The following DSCAML1 variants were observed in gnomAD, a reference collection of about 807,000 sequenced individuals.
The protein encoded by DSCAML1 is DS cell adhesion molecule like 1, also known as cell adhesion molecule DSCAML1.
In DSCAML1, 38 loss-of-function variants were observed where a neutral mutation model predicts 200.5. The observed-to-expected ratio is 0.19, with a 90% CI of 0.15 to 0.25. The LOEUF (loss-of-function observed/expected upper bound fraction) is 0.25, where lower values mean the gene tolerates loss of function less well. Ranked by LOEUF, DSCAML1 falls within the 10% of genes least tolerant of loss-of-function variation. The pLI, the probability that DSCAML1 is intolerant of heterozygous loss-of-function variation, is 1.00. For synonymous variants in DSCAML1, 1,215 were observed against 1,165.0 expected, an observed-to-expected ratio of 1.04 and a Z score of -0.87; for missense variants, 2,223 against 2,858.8, an observed-to-expected ratio of 0.78 and a Z score of 5.07.
At chr11:117,763,110 C>T (rs1002405190) in intron 3 of DSCAML1, among the ~76,000 whole-genome samples, 43 of 152,016 alleles carry the variant, frequency 2.8e-4, no homozygotes, top group Non-Finnish European at 4.9e-4. Flanking sequence ...GCCAGCAGCC[C>T]GAGGAGGGGC....
chr11:117,663,163 AC>A (rs1201512484), intron 3 of DSCAML1, among the ~76,000 whole-genome samples: 2 of 152,306 alleles, frequency 1.3e-5, no homozygotes, highest in East Asian at 3.9e-4. Flanking sequence ...ATTGCACGCT[AC>A]CGAAAAGCCA....
chr11:117,562,645 C>G (rs2050685382), intron 3 of DSCAML1, among the ~76,000 whole-genome samples: 1 of 152,250 alleles, frequency 6.6e-6, no homozygotes. Context: ...CAGTAGCTCA[C>G]AGAGTAGGCA....
chr11:117,659,721 T>C (rs1299631850), intron 3 of DSCAML1, among the ~76,000 whole-genome samples: 67 of 76,208 alleles, frequency 8.8e-4, no homozygotes, highest in South Asian at 3.0e-3. Flanking sequence ...CCTCACACAT[T>C]TTTTTTTTTT....
chr11:117,541,268 G>A (rs2050263807), intron 3 of DSCAML1, among the ~76,000 whole-genome samples: 1 of 152,230 alleles, frequency 6.6e-6, no homozygotes, highest in African/African-American at 2.4e-5. Flanking sequence ...ATTAGACTGT[G>A]TCCCTCGTCC....
rs553257463 is a variant in DSCAML1 at position 117,515,657 on chromosome 11, G to A, written c.1783+810C>T. ...TTTTTGAGACAGAGTTTCAACTCTTGTTGCCCAGGCTGGAGTGCAATGGCT... is the reference window on the plus strand; with the variant it reads ...TTTTTGAGACAGAGTTTCAACTCTTATTGCCCAGGCTGGAGTGCAATGGCT... On this transcript the variant is annotated intron_variant, in intron 8 of 32. Transcript: ENST00000651296. Among the ~76,000 whole-genome samples, 243 of 109,080 alleles carry A rather than the reference G, an allele frequency of 2.2e-3. 3 individuals carry two copies. In the Admixed American group the frequency reaches 0.029, roughly 13 times the overall value. The allele number at this position is 109,080 out of a possible 152,430, so 71.6% of individuals were successfully genotyped here. A position where few individuals can be genotyped will look rare whatever the true frequency, so the allele number is the denominator to read the frequency against.
chr11:117,472,093 C>A, intron 14 of DSCAML1, 57 bp from the exon 15 acceptor site: 2 of 1,595,204 alleles, frequency 1.3e-6, no homozygotes. Context: ...GACCCCTTCC[C>A]AGCCTGAAGT....
intron 3 of DSCAML1, among the ~76,000 whole-genome samples, chr11:117,770,788 A>C (rs1591492275): frequency 6.6e-6 from 1 of 152,232 alleles, no homozygotes; most frequent in Non-Finnish European, 1.5e-5. Context: ...GTGACTTTTA[A>C]ATCCATTCTT....
intron 3 of DSCAML1, among the ~76,000 whole-genome samples, chr11:117,547,369 AAGGGGACCC>A (rs2050391516): frequency 6.6e-6 from 1 of 152,200 alleles, no homozygotes; most frequent in Admixed American, 6.5e-5. Flanking sequence ...GGCGGCAGGG[AAGGGGACCC>A]TTGTGTGCCT....
chr11:117,695,315 CT>C lies in DSCAML1; in HGVS notation c.511+81475del, dbSNP rs753748981. On this transcript the variant is annotated intron_variant, in intron 3 of 32. Transcript: ENST00000651296. ...TTTTTTCTTTTCTTTCTTTCTTTTT[CT>C]TTTTTTTTTTTTTTTTTTGCTAACC... Among the ~76,000 whole-genome samples the C allele has an allele frequency of 5.7e-3, 660 of 116,714 alleles. 3 individuals are homozygous for C. Among genetic ancestry groups the C allele is most frequent in the African/African-American group, 0.016 (506 of 31,424 alleles). 76.6% of individuals were successfully genotyped at this position (116,714 alleles called of 152,430 possible).
chr11:117,503,793 G>A lies in DSCAML1; in HGVS notation c.2359+52C>T. 6.4e-7 allele frequency: 1 copy of A among 1,570,116 alleles called. No individual in the cohort carries two copies. The highest frequency in any genetic ancestry group is 1.7e-5 in the Admixed American group (1 of 57,512). On this transcript the variant is annotated intron_variant, in intron 11 of 32. Coordinates refer to ENST00000651296, the MANE Select transcript of DSCAML1 (RefSeq NM_020693.4). This position sits in a 1 kb window ranked among gnomAD's most constrained non-coding sequence, Gnocchi z 5.2. The stretch of plus-strand genomic sequence containing the variant: ...AGTAGGCAGGGAGAGTGCAGAGCCG[G>A]GGCTTGGCTGTGATTTGGGGGTGCT...
chr11:117,451,603 C>G (rs1481465509), intron 19 of DSCAML1, among the ~76,000 whole-genome samples: 1 of 152,102 alleles, frequency 6.6e-6, no homozygotes, highest in Non-Finnish European at 1.5e-5. Flanking sequence ...GCGGGCGGAT[C>G]CCCCGAGGTC....
chr11:117,655,204 C>T (rs1213072646), intron 3 of DSCAML1, among the ~76,000 whole-genome samples: 1 of 152,226 alleles, frequency 6.6e-6, no homozygotes, highest in Admixed American at 6.5e-5. Flanking sequence ...CACCAGCAGG[C>T]AGAGGGGTCT....
intron 20 of DSCAML1, among the ~76,000 whole-genome samples, 158 bp downstream of exon 20, chr11:117,450,391 T>TA (rs2137117058): frequency 6.6e-6 from 1 of 152,372 alleles, no homozygotes; most frequent in South Asian, 2.1e-4. Context: ...GAGTAAGGCT[T>TA]CGGCCACTCT....
intron 1 of DSCAML1, among the ~76,000 whole-genome samples, chr11:117,791,594 C>T (rs919376362): frequency 2.0e-5 from 3 of 152,184 alleles, no homozygotes; most frequent in Non-Finnish European, 4.4e-5. Flanking sequence ...AGGAAGTGTG[C>T]TGGGCACCCC....
intron 3 of DSCAML1, among the ~76,000 whole-genome samples, chr11:117,658,907 C>T (rs621188): frequency 0.65 from 98,129 of 152,008 alleles, 32,028 homozygotes; most frequent in East Asian, 0.75. Context: ...GTGGTGAAGA[C>T]TGGACCTTAG....
At chr11:117,635,635 G>A (rs774732516) in intron 3 of DSCAML1, among the ~76,000 whole-genome samples, 9 of 151,492 alleles carry the variant, frequency 5.9e-5, no homozygotes, top group Non-Finnish European at 1.0e-4. Context: ...GAGATCAGAG[G>A]GATCAAAACA....
chr11:117,621,870 C>G (rs1364060276), intron 3 of DSCAML1, among the ~76,000 whole-genome samples: 2 of 152,182 alleles, frequency 1.3e-5, no homozygotes, highest in African/African-American at 4.8e-5. Flanking sequence ...ATGTAGCCTC[C>G]TTGGGCCTCA....
Position 117,437,485 on chromosome 11 carries a change from G to A in DSCAML1, c.4433-76C>T. 9 of 1,516,026 alleles carry A rather than the reference G, an allele frequency of 5.9e-6. No individual in the cohort carries two copies. The highest frequency in any genetic ancestry group is 7.1e-6 in the Non-Finnish European group (8 of 1,119,080). 93.9% of individuals were successfully genotyped at this position (1,516,026 alleles called of 1,614,324 possible). On this transcript the variant is annotated intron_variant, in intron 25 of 32. Coordinates refer to ENST00000651296, the MANE Select transcript of DSCAML1 (RefSeq NM_020693.4). This position sits in a 1 kb window ranked among gnomAD's most constrained non-coding sequence, Gnocchi z 5.3. ...GGACTGGACTGGGCTGGGCTGGAAA[G>A]GATTTCCCTGGGGCAGCTGGGATGG...
At chr11:117,528,743 T>G (rs1345996355) in intron 4 of DSCAML1, among the ~76,000 whole-genome samples, 1 of 152,154 alleles carries the variant, frequency 6.6e-6, no homozygotes, top group African/African-American at 2.4e-5. Context: ...CAGGTGACAA[T>G]GCCCATCCCA....
Sources: allele counts gnomAD v4.1 joint callset (sites outside exome capture counted in the v4.1 genomes callset), GRCh38; gene constraint gnomAD v4.1.1; non-coding constraint Gnocchi (gnomAD v3.1); transcripts MANE v1.5; gene names NCBI Gene and HGNC (gene_info 2026-07-23, HGNC 2026-07-21).